RTN4: variants seen among roughly 807,000 people sequenced by gnomAD.
RTN4 encodes the protein reticulon 4.
Under a neutral mutation model 90.4 loss-of-function variants are expected in RTN4, and 32 were observed. That is an observed-to-expected ratio of 0.35 (90% confidence interval 0.27 to 0.48). The LOEUF is 0.48. Among genes scored for constraint, RTN4 ranks in the 20% least tolerant of loss-of-function variants. The pLI is 0.99. For missense variants in RTN4, 1,706 were observed against 1,430.2 expected (o/e 1.19, Z -3.11); for synonymous variants, 629 against 552.5 (o/e 1.14, Z -1.94).
At chr2:55,006,171 A>C (rs1168967397) in intron 3 of RTN4, among the ~76,000 whole-genome samples, 2 of 152,176 alleles carry the variant, frequency 1.3e-5, no homozygotes, top group African/African-American at 4.8e-5. Flanking sequence ...ACTATTCTCT[A>C]TGCGATGTGA....
intron 1 of RTN4, among the ~76,000 whole-genome samples, chr2:55,080,935 A>T (rs1179863237): frequency 6.6e-6 from 1 of 152,252 alleles, no homozygotes; most frequent in East Asian, 1.9e-4. Flanking sequence ...TTTTGGACTT[A>T]AAAAGGAAAA....
chr2:55,056,409 A>C (rs1007121796), intron 2 of RTN4: 5 of 152,174 alleles, frequency 3.3e-5, no homozygotes, highest in Admixed American at 6.5e-5. Context: ...TATGCCAAAG[A>C]GAAGTCATAA....
chr2:55,014,835 T>A (rs1354023427), intron 3 of RTN4, among the ~76,000 whole-genome samples: 6 of 152,216 alleles, frequency 3.9e-5, no homozygotes, highest in Middle Eastern at 3.4e-3. Flanking sequence ...ATTTTTAAAT[T>A]CTGAATTCAA....
intron 1 of RTN4, among the ~76,000 whole-genome samples, chr2:55,095,462 G>T (rs186296484): frequency 2.3e-4 from 35 of 152,174 alleles, no homozygotes; most frequent in African/African-American, 7.0e-4. Context: ...TATAATTGAT[G>T]AACCAACCAA....
chr2:55,124,887 T>C, the RTN4 span, among the ~76,000 whole-genome samples: 8 of 152,080 alleles, frequency 5.3e-5, no homozygotes, highest in African/African-American at 1.9e-4. Context: ...CGGAACAGAA[T>C]GGAGAGCCCA....
intron 5 of RTN4, among the ~76,000 whole-genome samples, chr2:54,977,406 G>GTTTTTTTTTTTTT (rs34777052): frequency 2.7e-5 from 4 of 146,112 alleles, no homozygotes; most frequent in Non-Finnish European, 4.5e-5. Flanking sequence ...AGCTCAGGCC[G>GTTTTTTTTTTTTT]TTTTTTTTTT....
At chr2:55,107,103 T>C (rs539298345) in intron 1 of RTN4, among the ~76,000 whole-genome samples, 108 of 152,126 alleles carry the variant, frequency 7.1e-4, no homozygotes, top group African/African-American at 2.1e-3. Context: ...AAGGTTTTGA[T>C]ACATTTGTCT....
At chr2:55,052,095 G>T (rs190802133), upstream of RTN4, among the ~76,000 whole-genome samples, 3 of 152,314 alleles carry the variant, frequency 2.0e-5, no homozygotes, top group Admixed American at 2.0e-4. Flanking sequence ...AGAAGATTTT[G>T]GGGGCAGTGA....
intron 3 of RTN4, among the ~76,000 whole-genome samples, chr2:54,999,354 C>G (rs1305473392): frequency 6.6e-6 from 1 of 152,176 alleles, no homozygotes; most frequent in Non-Finnish European, 1.5e-5. Flanking sequence ...CTGCATTGTG[C>G]ATGCCTTACG....
the RTN4 span, among the ~76,000 whole-genome samples, chr2:55,124,810 A>T: frequency 6.6e-6 from 1 of 152,236 alleles, no homozygotes. Flanking sequence ...GCAAGTTTAA[A>T]TTATACTACA....
the RTN4 span, among the ~76,000 whole-genome samples, chr2:55,130,223 T>C: frequency 6.6e-6 from 1 of 152,356 alleles, no homozygotes; most frequent in Admixed American, 6.5e-5. Flanking sequence ...ATTTCCAAGA[T>C]GTATTAAGTG....
intron 2 of RTN4, among the ~76,000 whole-genome samples, chr2:55,065,805 G>T (rs1205673355): frequency 6.6e-6 from 1 of 152,208 alleles, no homozygotes; most frequent in Middle Eastern, 3.4e-3. Flanking sequence ...TAGAACAATG[G>T]TTACTGGGTT....
chr2:55,073,153 C>T (rs1186339370), intron 2 of RTN4, among the ~76,000 whole-genome samples: 4 of 152,192 alleles, frequency 2.6e-5, no homozygotes, highest in African/African-American at 9.6e-5. Context: ...AAAGACAATT[C>T]TAACTAGCCA....
chr2:54,982,646 G>C lies in RTN4; in HGVS notation c.3229C>G (p.Leu1077Val), dbSNP rs991715098. The change falls in exon 5 of 9, where the codon CTG becomes GTG. Residue 1077 changes from leucine (L) to valine (V), a missense_variant. Physicochemically the swap from Leu to Val is conservative, Grantham distance 32 (BLOSUM62 1). Coordinates refer to ENST00000337526, the MANE Select transcript of RTN4 (RefSeq NM_020532.5). ...TCAGATATAGCAACTTCAGATTCCA[G>C]ATATGCCCTAGAAAACAAAACACAT... is the stretch of plus-strand genomic sequence containing the variant. ...SDEGHPFRAY[L>V]ESEVAISEEL... 3 of 1,605,242 alleles carry C rather than the reference G, an allele frequency of 1.9e-6. No homozygotes were observed. Among genetic ancestry groups the C allele is most frequent in the Non-Finnish European group, 2.5e-6 (3 of 1,176,896 alleles).
upstream of RTN4, among the ~76,000 whole-genome samples, chr2:55,054,750 G>A (rs555355995): frequency 5.9e-5 from 9 of 152,224 alleles, no homozygotes; most frequent in African/African-American, 1.7e-4. Context: ...GTTCAGGAGC[G>A]CCACTGAATG....
At chr2:55,101,221 G>A (rs1043318546) in intron 1 of RTN4, among the ~76,000 whole-genome samples, 4 of 152,080 alleles carry the variant, frequency 2.6e-5, no homozygotes, top group East Asian at 3.9e-4. Context: ...CCAGGGGTGA[G>A]ATTATCATTG....
chr2:55,038,253 C>A (rs1375264565), intron 1 of RTN4, among the ~76,000 whole-genome samples: 2 of 151,952 alleles, frequency 1.3e-5, no homozygotes. Flanking sequence ...AAAGAAAGCA[C>A]TAACCATGAA....
rs202170586 is a variant in RTN4, at chr2:54,972,313, C to G, written c.*843G>C. 5.2e-5 allele frequency: 8 copies of G among 152,602 alleles called. No individual in the cohort carries two copies. Among genetic ancestry groups the G allele is most frequent in the Non-Finnish European group, 8.8e-5 (6 of 68,020 alleles). The allele number at this position is 152,602 out of a possible 1,614,324, so 9.5% of individuals were successfully genotyped here. A position where few individuals can be genotyped will look rare whatever the true frequency, so the allele number is the denominator to read the frequency against. On this transcript the variant is annotated 3_prime_UTR_variant, in exon 9 of 9. Coordinates refer to ENST00000337526, the MANE Select transcript of RTN4 (RefSeq NM_020532.5). ...TCATTTTGTAATTAATAATTTCTTGCATAACAATGTTTGATATTTGCAAAC... is the reference window on the plus strand; with the variant it reads ...TCATTTTGTAATTAATAATTTCTTGGATAACAATGTTTGATATTTGCAAAC...
At chr2:55,015,812 G>T (rs1680991655) in intron 3 of RTN4, among the ~76,000 whole-genome samples, 1 of 152,206 alleles carries the variant, frequency 6.6e-6, no homozygotes, top group African/African-American at 2.4e-5. Context: ...TGTACTTTCT[G>T]CATTTTGTAT....
Sources: gnomAD v4.1 joint callset for allele counts (sites outside exome capture counted in the v4.1 genomes callset) on GRCh38, gnomAD v4.1.1 for gene constraint, MANE v1.5 for transcripts, NCBI Gene and HGNC (gene_info 2026-07-23, HGNC 2026-07-21) for gene names.